Variants in FHIT observed in about 807,000 individuals in gnomAD.
FHIT encodes the protein fragile histidine triad diadenosine triphosphatase.
A neutral mutation model predicts 17.9 loss-of-function variants in FHIT; 19 were observed. The observed-to-expected ratio is 1.06, with a 90% confidence interval of 0.74 to 1.56. The LOEUF is 1.56. FHIT is among the 40% of genes most tolerant of loss of function. The pLI is 0.00. For missense variants in FHIT, 248 were observed against 189.2 expected (o/e 1.31, Z -1.82); for synonymous variants, 81 against 69.7 (o/e 1.16, Z -0.81).
At chr3:60,149,985 CCTTTTTTTTT>C (rs1700395332) in intron 5 of FHIT, among the ~76,000 whole-genome samples, 1 of 50,934 alleles carries the variant, frequency 2.0e-5, no homozygotes, top group African/African-American at 6.9e-5. Flanking sequence ...AACCTTTAAG[CCTTTTTTTTT>C]TTTTTTTTTT....
intron 3 of FHIT, among the ~76,000 whole-genome samples, chr3:60,937,951 G>A (rs1199125742): frequency 1.4e-4 from 22 of 151,990 alleles, no homozygotes; most frequent in Non-Finnish European, 4.4e-5. Context: ...AATCCCTGTC[G>A]CTGGAACAAG....
rs1416145812 is a variant in FHIT, at chr3:60,849,585, C to T, written c.-110-27574G>A. ...GGAAGATAAGTAAATTCTTTCAGAG[C>T]ATGAGAATGAAAAATTGATTGATTC... On this transcript the variant is annotated intron_variant, in intron 3 of 9. Coordinates refer to ENST00000492590, the MANE Select transcript of FHIT (RefSeq NM_002012.4). Among the ~76,000 whole-genome samples, 5 of 151,726 alleles carry T rather than the reference C, an allele frequency of 3.3e-5. No individual in the cohort carries two copies. In the East Asian group the frequency reaches 7.7e-4, roughly 23 times the overall value.
intron 5 of FHIT, among the ~76,000 whole-genome samples, chr3:60,316,374 G>A (rs1709165277): frequency 6.6e-6 from 1 of 152,160 alleles, no homozygotes; most frequent in African/African-American, 2.4e-5. Context: ...AAGTGCAATA[G>A]TGTGTTTATT....
intron 3 of FHIT, among the ~76,000 whole-genome samples, chr3:60,928,037 C>T (rs1707743607): frequency 6.6e-6 from 1 of 152,164 alleles, no homozygotes; most frequent in South Asian, 2.1e-4. Flanking sequence ...GAAACATGTG[C>T]TGTGTCAACT....
At chr3:61,062,459 G>A (rs2034461290) in intron 2 of FHIT, among the ~76,000 whole-genome samples, 1 of 152,074 alleles carries the variant, frequency 6.6e-6, no homozygotes, top group Non-Finnish European at 1.5e-5. Flanking sequence ...TAATTTATTG[G>A]ATTTATACGA....
chr3:60,936,077 A>G (rs892926957), intron 3 of FHIT, among the ~76,000 whole-genome samples: 6 of 152,186 alleles, frequency 3.9e-5, no homozygotes, highest in African/African-American at 1.4e-4. Flanking sequence ...AAGTCAGTCA[A>G]TCACTCACCT....
chr3:59,750,127 G>A (rs1430947547), intron 9 of FHIT: 1 of 226,926 alleles, frequency 4.4e-6, no homozygotes, highest in Non-Finnish European at 8.8e-6. Flanking sequence ...GAAGACAGGA[G>A]GTGTCAGGCC....
chr3:60,034,543 G>T (rs1302373897), intron 5 of FHIT, among the ~76,000 whole-genome samples: 1 of 152,146 alleles, frequency 6.6e-6, no homozygotes, highest in African/African-American at 2.4e-5. Flanking sequence ...AATGTCCGTG[G>T]TATATCTTCG....
At chr3:60,443,741 T>G (rs1170983745) in intron 5 of FHIT, among the ~76,000 whole-genome samples, 2 of 152,080 alleles carry the variant, frequency 1.3e-5, no homozygotes, top group South Asian at 2.1e-4. Flanking sequence ...TCTCTTTTTT[T>G]GTTGTGTCTC....
rs139336094 is a variant in FHIT, at chr3:60,288,566, AGTGTGTGTGTGTGT to A, written c.103+248280_103+248293del. Among the ~76,000 whole-genome samples the A allele has an allele frequency of 2.1e-4, 30 of 144,664 alleles. No individual in the cohort carries two copies. In the Middle Eastern group the frequency reaches 0.011, roughly 51 times the overall value. 94.9% of individuals were successfully genotyped at this position (144,664 alleles called of 152,430 possible). A position where few individuals can be genotyped will look rare whatever the true frequency, so the allele number is the denominator to read the frequency against. On this transcript the variant is annotated intron_variant, in intron 5 of 9. Transcript: ENST00000492590. ...CATTCTGTTTTCTAGGTTCTGGCAC[AGTGTGTGTGTGTGT>A]GTGTGTGTGTGTGTGTGTGTGTGTG...
intron 3 of FHIT, among the ~76,000 whole-genome samples, chr3:61,023,539 T>A (rs2032572199): frequency 6.6e-6 from 1 of 152,072 alleles, no homozygotes; most frequent in Admixed American, 6.5e-5. Flanking sequence ...GTCAAGATAA[T>A]CCTAAGCAAA....
intron 4 of FHIT, among the ~76,000 whole-genome samples, chr3:60,697,997 C>T (rs1243283053): frequency 6.6e-6 from 1 of 152,158 alleles, no homozygotes; most frequent in African/African-American, 2.4e-5. Flanking sequence ...CTCCCTTATA[C>T]ACACAAGGAA....
At chr3:60,783,009 G>T (rs1700443893) in intron 4 of FHIT, among the ~76,000 whole-genome samples, 1 of 152,030 alleles carries the variant, frequency 6.6e-6, no homozygotes, top group African/African-American at 2.4e-5. Context: ...TTTTGACAAG[G>T]TCTCCCCCTG....
chr3:61,126,253 A>G (rs1271522609), intron 2 of FHIT, among the ~76,000 whole-genome samples: 3 of 85,724 alleles, frequency 3.5e-5, no homozygotes, highest in South Asian at 3.7e-4. Context: ...AAACAAAAGT[A>G]AAAAAAAAAC....
chr3:59,844,703 AC>A (rs1175226612), intron 8 of FHIT, among the ~76,000 whole-genome samples: 2 of 152,046 alleles, frequency 1.3e-5, no homozygotes, highest in Non-Finnish European at 1.5e-5. Context: ...CTTTTAATAT[AC>A]CGGTGAGTTT....
intron 2 of FHIT, among the ~76,000 whole-genome samples, chr3:61,179,798 G>A (rs746540233): frequency 6.7e-6 from 1 of 150,318 alleles, no homozygotes; most frequent in Admixed American, 6.6e-5. Context: ...TCAAGATAGT[G>A]ACAGCCTCAG....
chr3:60,112,532 C>T (rs968230748), intron 5 of FHIT, among the ~76,000 whole-genome samples: 2 of 152,222 alleles, frequency 1.3e-5, no homozygotes, highest in Admixed American at 6.5e-5. Context: ...GCCACAGCTA[C>T]GTTTACCAGC....
At chr3:60,029,907 G>GTGTGTGTGTGTGTGTGTGTC (rs1559562953) in intron 5 of FHIT, among the ~76,000 whole-genome samples, 19 of 132,630 alleles carry the variant, frequency 1.4e-4, no homozygotes, top group African/African-American at 5.5e-4. Flanking sequence ...CTGTGTGTGT[G>GTGTGTGTGTGTGTGTGTGTC]TGTGTGTGTG....
At chr3:59,947,649 G>C (rs1706880864) in intron 7 of FHIT, among the ~76,000 whole-genome samples, 2 of 151,728 alleles carry the variant, frequency 1.3e-5, no homozygotes, top group African/African-American at 2.4e-5. Context: ...TGCAACCCTG[G>C]GGGGGCTGGT....
Sources: gnomAD v4.1 joint callset for allele counts (sites outside exome capture counted in the v4.1 genomes callset) on GRCh38, gnomAD v4.1.1 for gene constraint, MANE v1.5 for transcripts, NCBI Gene and HGNC (gene_info 2026-07-23, HGNC 2026-07-21) for gene names.